The following VTI1A variants were observed in gnomAD, a reference collection of about 807,000 sequenced individuals.
VTI1A encodes vesicle transport through interaction with t-SNAREs 1A, also known as vesicle transport through interaction with t-SNAREs homolog 1A.
VTI1A carries 22 observed loss-of-function variants against 34.9 expected under a neutral mutation model. The observed-to-expected ratio is 0.63, with a 90% CI of 0.45 to 0.90. The LOEUF (loss-of-function observed/expected upper bound fraction) is 0.90. Ranked by LOEUF, VTI1A falls within the 40% of genes least tolerant of loss-of-function variation. The pLI is 0.00. For synonymous variants in VTI1A, 87 were observed against 97.3 expected (o/e 0.89, Z 0.62); for missense variants, 268 against 275.6 (o/e 0.97, Z 0.20).
chr10:112,517,379 C>T (rs896979883), intron 3 of VTI1A, among the ~76,000 whole-genome samples: 3 of 151,956 alleles, frequency 2.0e-5, no homozygotes, highest in South Asian at 2.1e-4. Context: ...AGCCATGATG[C>T]CAGACTGATA....
Position 112,816,036 on chromosome 10 carries a change from A to G in VTI1A, c.*653A>G, listed in dbSNP as rs986999181. On this transcript the variant is annotated 3_prime_UTR_variant, in exon 8 of 8. Transcript: ENST00000393077. ...TTTTTGCTGAGCCTGCCCAGTATTC[A>G]CTGTTCACAACTTTGATTACTGGCT... 1.2e-4 allele frequency: 27 copies of G among 221,822 alleles called. No individual in the cohort carries two copies. Among genetic ancestry groups the G allele is most frequent in the Non-Finnish European group, 4.5e-5 (5 of 111,134 alleles). The allele number at this position is 221,822 out of a possible 1,614,324, so 13.7% of individuals were successfully genotyped here. A position where few individuals can be genotyped will look rare whatever the true frequency, so the allele number is the denominator to read the frequency against.
At chr10:112,800,455 C>G (rs972479398) in intron 7 of VTI1A, among the ~76,000 whole-genome samples, 4 of 152,168 alleles carry the variant, frequency 2.6e-5, no homozygotes, top group Non-Finnish European at 5.9e-5. Context: ...GGAGGAGTTT[C>G]CAGAAGTAAT....
intron 7 of VTI1A, among the ~76,000 whole-genome samples, chr10:112,680,425 C>A (rs1439981985): frequency 6.6e-6 from 1 of 152,260 alleles, no homozygotes; most frequent in African/African-American, 2.4e-5. Flanking sequence ...AAAGATAGAG[C>A]AGAACTTGGA....
chr10:112,566,471 C>A (rs918987510), intron 5 of VTI1A, among the ~76,000 whole-genome samples: 2 of 152,146 alleles, frequency 1.3e-5, no homozygotes, highest in African/African-American at 4.8e-5. Context: ...TACATTTAAA[C>A]GTCCTTCTTT....
intron 7 of VTI1A, among the ~76,000 whole-genome samples, chr10:112,697,902 G>GTGTA (rs533816546): frequency 8.6e-4 from 128 of 148,062 alleles, no homozygotes; most frequent in Non-Finnish European, 1.7e-3. Context: ...GTGTGTGTGT[G>GTGTA]TGTGTATTCT....
intron 5 of VTI1A, among the ~76,000 whole-genome samples, chr10:112,633,435 T>A (rs1408391385): frequency 6.6e-6 from 1 of 152,150 alleles, no homozygotes; most frequent in Non-Finnish European, 1.5e-5. Context: ...TCAAGTATAA[T>A]GGAAAAGTTG....
Position 112,471,496 on chromosome 10 carries a change from A to G in VTI1A, c.264+6839A>G, listed in dbSNP as rs139313515. ...CAAATCTAATCACCTTATGTTTTAG[A>G]TGAAGAAATGGAGGACTGAGGAGAC... On this transcript the variant is annotated intron_variant, in intron 3 of 7. Transcript: ENST00000393077. Among the ~76,000 whole-genome samples, 733 of 150,654 alleles carry G rather than the reference A, an allele frequency of 4.9e-3. 5 individuals carry two copies. Among genetic ancestry groups the G allele is most frequent in the African/African-American group, 0.017 (689 of 40,984 alleles).
intron 7 of VTI1A, among the ~76,000 whole-genome samples, chr10:112,773,576 A>T (rs188989584): frequency 1.1e-4 from 16 of 150,982 alleles, no homozygotes; most frequent in Admixed American, 1.3e-4. Flanking sequence ...AACTCGGCTA[A>T]GGGTGTGCCT....
At chr10:112,598,652 A>G (rs913416958) in intron 5 of VTI1A, among the ~76,000 whole-genome samples, 1 of 152,216 alleles carries the variant, frequency 6.6e-6, no homozygotes, top group African/African-American at 2.4e-5. Flanking sequence ...TTCATAATGT[A>G]GGATACATCA....
At chr10:112,508,922 A>C (rs1849521944) in intron 3 of VTI1A, among the ~76,000 whole-genome samples, 1 of 152,230 alleles carries the variant, frequency 6.6e-6, no homozygotes, top group South Asian at 2.1e-4. Context: ...TGTCAAAAGC[A>C]AAAAGACCAA....
intron 3 of VTI1A, among the ~76,000 whole-genome samples, chr10:112,484,665 G>A (rs1848558301): frequency 6.6e-6 from 1 of 152,048 alleles, no homozygotes; most frequent in Non-Finnish European, 1.5e-5. Flanking sequence ...AGGAGAGTGG[G>A]TCATCTATTT....
chr10:112,480,339 T>C (rs1327581297), intron 3 of VTI1A, among the ~76,000 whole-genome samples: 1 of 152,242 alleles, frequency 6.6e-6, no homozygotes, highest in African/African-American at 2.4e-5. Flanking sequence ...TTTTTTGTTA[T>C]TGTTTTGATA....
At chr10:112,789,872 T>G (rs1852403191) in intron 7 of VTI1A, among the ~76,000 whole-genome samples, 1 of 152,122 alleles carries the variant, frequency 6.6e-6, no homozygotes. Context: ...CTGCTAAATC[T>G]AACATCAGAT....
At chr10:112,849,255 G>A in the VTI1A span, among the ~76,000 whole-genome samples, 1 of 152,244 alleles carries the variant, frequency 6.6e-6, no homozygotes, top group Non-Finnish European at 1.5e-5. Context: ...AAGACTCCAA[G>A]TGGTGGCAGT....
intron 7 of VTI1A, among the ~76,000 whole-genome samples, chr10:112,804,727 C>CT (rs1853005756): frequency 1.3e-5 from 2 of 152,074 alleles, no homozygotes; most frequent in Admixed American, 6.6e-5. Context: ...GGCAGGGACT[C>CT]TGTGTTTCCT....
intron 7 of VTI1A, among the ~76,000 whole-genome samples, chr10:112,746,227 T>C (rs1330662309): frequency 6.6e-6 from 1 of 152,230 alleles, no homozygotes; most frequent in East Asian, 1.9e-4. Flanking sequence ...ACTCCACCCA[T>C]GTTTTAGAAA....
intron 3 of VTI1A, among the ~76,000 whole-genome samples, chr10:112,503,441 C>G (rs1046794660): frequency 1.3e-5 from 2 of 152,174 alleles, no homozygotes; most frequent in Admixed American, 1.3e-4. Flanking sequence ...TAGGCTTTCT[C>G]TCACTTCTGA....
At chr10:112,633,197 C>CT in intron 5 of VTI1A, among the ~76,000 whole-genome samples, 1 of 152,200 alleles carries the variant, frequency 6.6e-6, no homozygotes, top group Admixed American at 6.5e-5. Flanking sequence ...ATGAAAGCCA[C>CT]TTTTCTAGGT....
At chr10:112,743,305 C>T (rs542830393) in intron 7 of VTI1A, among the ~76,000 whole-genome samples, 3 of 152,160 alleles carry the variant, frequency 2.0e-5, no homozygotes, top group South Asian at 4.2e-4. Flanking sequence ...AGATGAAACT[C>T]GTCAGGCTTA....
Sources: gnomAD v4.1 joint callset for allele counts (sites outside exome capture counted in the v4.1 genomes callset) on GRCh38, gnomAD v4.1.1 for gene constraint, MANE v1.5 for transcripts, NCBI Gene and HGNC (gene_info 2026-07-23, HGNC 2026-07-21) for gene names.